The following SRD5A2 variants were observed in gnomAD, a reference collection of about 807,000 sequenced individuals.
SRD5A2 encodes steroid 5 alpha-reductase 2.
In SRD5A2, 30 loss-of-function variants were observed where a neutral mutation model predicts 27.4. The observed-to-expected ratio is 1.10, with a 90% confidence interval of 0.82 to 1.49. The LOEUF is 1.49. SRD5A2 is among the 40% of genes most tolerant of loss of function. The probability of loss-of-function intolerance (pLI) is 0.00; values close to 1 mark genes in which losing one functional copy is unlikely to be tolerated. For synonymous variants in SRD5A2, 141 were observed against 133.6 expected (o/e 1.06, Z -0.38); for missense variants, 348 against 323.4 (o/e 1.08, Z -0.58).
the SRD5A2 span, among the ~76,000 whole-genome samples, chr2:31,641,012 T>C: frequency 6.6e-6 from 1 of 152,110 alleles, no homozygotes; most frequent in Non-Finnish European, 1.5e-5. Flanking sequence ...GTAATGCAAA[T>C]GTAAAAGTCT....
chr2:31,564,120 C>T (rs1252203720), intron 1 of SRD5A2, among the ~76,000 whole-genome samples: 3 of 151,862 alleles, frequency 2.0e-5, no homozygotes, highest in South Asian at 2.1e-4. Flanking sequence ...AAACTGACAC[C>T]GAAATGACAC....
At chr2:31,608,776 A>G in the SRD5A2 span, among the ~76,000 whole-genome samples, 2 of 152,034 alleles carry the variant, frequency 1.3e-5, no homozygotes, top group Non-Finnish European at 2.9e-5. Context: ...AAGAAAACTT[A>G]AATAAGTGAA....
chr2:31,656,432 A>G, the SRD5A2 span, among the ~76,000 whole-genome samples: 1 of 152,124 alleles, frequency 6.6e-6, no homozygotes, highest in East Asian at 1.9e-4. Context: ...CCCTCTATTT[A>G]CTTTCAATAT....
At chr2:31,559,431 C>T (rs1306839603) in intron 1 of SRD5A2, among the ~76,000 whole-genome samples, 4 of 152,038 alleles carry the variant, frequency 2.6e-5, no homozygotes, top group African/African-American at 9.7e-5. Flanking sequence ...GTGTTTCTTA[C>T]TAAGTGATAC....
At chr2:31,660,721 G>A in the SRD5A2 span, among the ~76,000 whole-genome samples, 8 of 152,000 alleles carry the variant, frequency 5.3e-5, no homozygotes, top group Admixed American at 5.3e-4. Flanking sequence ...GCATATGTAT[G>A]AGGTTTATTC....
At chr2:31,653,913 C>G in the SRD5A2 span, among the ~76,000 whole-genome samples, 1 of 152,152 alleles carries the variant, frequency 6.6e-6, no homozygotes, top group Non-Finnish European at 1.5e-5. Flanking sequence ...CCCGCCTCGG[C>G]CTCCCAGAGT....
At chr2:31,544,853 AAAT>A (rs1425169973) in intron 1 of SRD5A2, among the ~76,000 whole-genome samples, 2 of 151,930 alleles carry the variant, frequency 1.3e-5, no homozygotes, top group Non-Finnish European at 2.9e-5. Context: ...CTAAAATCAT[AAAT>A]AAAAGTGGGA....
At chr2:31,658,464 C>G in the SRD5A2 span, among the ~76,000 whole-genome samples, 2 of 151,612 alleles carry the variant, frequency 1.3e-5, no homozygotes, top group Admixed American at 6.6e-5. Flanking sequence ...TGATCGACCA[C>G]TAGCTAGAGT....
In SRD5A2 at chr2:31,526,255, G is replaced by A. The variant is rs1665778850; in HGVS notation, c.706C>T (p.Leu236Phe). The A allele has an allele frequency of 4.4e-6, 7 of 1,580,172 alleles. No individual in the cohort carries two copies. The highest frequency in any genetic ancestry group is 6.0e-6 in the Non-Finnish European group (7 of 1,159,898). Residue 236 changes from leucine to phenylalanine, a missense_variant, in exon 5 of 5, where the codon CTC becomes TTC. Coordinates refer to ENST00000622030, the MANE Select transcript of SRD5A2 (RefSeq NM_000348.4). ...LRAFHHHRFY[L>F]KMFEDYPKSR... ...TTGGGGTAGTCCTCAAACATCTTGA[G>A]GTAGAACCTAAAAGACAAGAAAGGA...
the SRD5A2 span, among the ~76,000 whole-genome samples, chr2:31,659,167 T>C: frequency 6.6e-6 from 1 of 152,120 alleles, no homozygotes; most frequent in Non-Finnish European, 1.5e-5. Context: ...AACTAGGCAT[T>C]GAAGGAACAT....
chr2:31,639,083 T>C, the SRD5A2 span, among the ~76,000 whole-genome samples: 2 of 152,074 alleles, frequency 1.3e-5, no homozygotes, highest in Non-Finnish European at 2.9e-5. Context: ...TTATAGGTTG[T>C]TGCATTGCAG....
the SRD5A2 span, among the ~76,000 whole-genome samples, chr2:31,600,015 G>A: frequency 1.3e-5 from 2 of 151,818 alleles, no homozygotes; most frequent in African/African-American, 2.4e-5. Context: ...CCCAGTGTCT[G>A]TTGTTCCCCT....
the SRD5A2 span, among the ~76,000 whole-genome samples, chr2:31,598,764 G>C: frequency 6.6e-6 from 1 of 151,358 alleles, no homozygotes; most frequent in East Asian, 1.9e-4. Flanking sequence ...AGAAGGAAGA[G>C]AACACAAAAC....
At chr2:31,608,108 T>C in the SRD5A2 span, among the ~76,000 whole-genome samples, 1 of 152,032 alleles carries the variant, frequency 6.6e-6, no homozygotes, top group Non-Finnish European at 1.5e-5. Context: ...TAGTATTCCA[T>C]TATAGCAGCC....
chr2:31,604,990 C>G, the SRD5A2 span, among the ~76,000 whole-genome samples: 1 of 151,482 alleles, frequency 6.6e-6, no homozygotes, highest in Non-Finnish European at 1.5e-5. Context: ...AACCTAGAAA[C>G]AAATCCCACA....
At chr2:31,645,336 G>A in the SRD5A2 span, among the ~76,000 whole-genome samples, 1 of 152,138 alleles carries the variant, frequency 6.6e-6, no homozygotes, top group African/African-American at 2.4e-5. Context: ...AATGCTTGAG[G>A]GGATGGATAA....
the SRD5A2 span, among the ~76,000 whole-genome samples, chr2:31,635,143 CCCA>C: frequency 6.6e-6 from 1 of 152,154 alleles, no homozygotes; most frequent in Non-Finnish European, 1.5e-5. Context: ...AATTTACATT[CCCA>C]CCAACAATGT....
chr2:31,599,548 T>A, the SRD5A2 span, among the ~76,000 whole-genome samples: 1 of 151,988 alleles, frequency 6.6e-6, no homozygotes, highest in Non-Finnish European at 1.5e-5. Flanking sequence ...ACAACATGCT[T>A]CTGAATGAAC....
the SRD5A2 span, among the ~76,000 whole-genome samples, chr2:31,633,307 C>T: frequency 6.6e-6 from 1 of 152,174 alleles, no homozygotes; most frequent in African/African-American, 2.4e-5. Flanking sequence ...AAACCCTTCA[C>T]CAAACCTTTC....
Sources: allele counts gnomAD v4.1 joint callset (sites outside exome capture counted in the v4.1 genomes callset), GRCh38; gene constraint gnomAD v4.1.1; transcripts MANE v1.5; gene names NCBI Gene and HGNC (gene_info 2026-07-23, HGNC 2026-07-21).